The following PPP1R12B variants were observed in gnomAD, a reference collection of about 807,000 sequenced individuals.
PPP1R12B encodes myosin phosphatase target subunit 2.
Under a neutral mutation model 126.1 loss-of-function variants are expected in PPP1R12B, and 76 were observed. That is an observed-to-expected ratio of 0.60 (90% CI 0.50 to 0.73). PPP1R12B has a LOEUF of 0.73. PPP1R12B is among the 30% of genes least tolerant of loss of function. The pLI is 0.00. For synonymous variants in PPP1R12B, 356 were observed against 434.7 expected, an observed-to-expected ratio of 0.82 and a Z score of 2.25; for missense variants, 1,052 against 1,205.1, an observed-to-expected ratio of 0.87 and a Z score of 1.88.
At chr1:202,457,971 T>A (rs1321511786) in intron 13 of PPP1R12B, among the ~76,000 whole-genome samples, 1 of 151,852 alleles carries the variant, frequency 6.6e-6, no homozygotes, top group Non-Finnish European at 1.5e-5. Context: ...TGTGGCTAAA[T>A]GAATTTGGGA....
In PPP1R12B at chr1:202,589,568, C is replaced by CTGGT. The variant is rs1212735571; in HGVS notation, c.*9011_*9014dup. 2 of 152,256 alleles carry CTGGT rather than the reference C, an allele frequency of 1.3e-5. No homozygotes were observed. The highest frequency in any genetic ancestry group is 3.9e-4 in the East Asian group (2 of 5,190). The allele number at this position is 152,256 out of a possible 1,614,324, so 9.4% of individuals were successfully genotyped here. On this transcript the variant is annotated 3_prime_UTR_variant, in exon 24 of 24. Coordinates refer to ENST00000608999, the MANE Select transcript of PPP1R12B (RefSeq NM_002481.4). ...ATGTCATTTCTCTTTCTGACCCCCA[C>CTGGT]TGGTTGTAGTAAGGTCTGCAGATAC...
At chr1:202,402,518 C>G (rs1358782239) in intron 1 of PPP1R12B, among the ~76,000 whole-genome samples, 1 of 152,190 alleles carries the variant, frequency 6.6e-6, no homozygotes, top group Non-Finnish European at 1.5e-5. Flanking sequence ...GTCTTAATCT[C>G]TAGTGTGTGT....
chr1:202,372,987 T>C (rs1474509911), intron 1 of PPP1R12B, among the ~76,000 whole-genome samples: 4 of 151,872 alleles, frequency 2.6e-5, no homozygotes, highest in Non-Finnish European at 5.9e-5. Flanking sequence ...CAGGCTGGAG[T>C]ACACTGGCAC....
chr1:202,467,307 T>G (rs1383138782), intron 13 of PPP1R12B, among the ~76,000 whole-genome samples: 1 of 151,948 alleles, frequency 6.6e-6, no homozygotes, highest in Non-Finnish European at 1.5e-5. Flanking sequence ...ATGTGCCATG[T>G]TGGTGTGCTG....
chr1:202,476,516 C>G (rs1267001585), intron 13 of PPP1R12B, among the ~76,000 whole-genome samples: 1 of 151,654 alleles, frequency 6.6e-6, no homozygotes, highest in African/African-American at 2.4e-5. Flanking sequence ...AAACACCGCT[C>G]TACTAAAAAT....
intron 3 of PPP1R12B, 119 bp downstream of exon 3, chr1:202,422,857 T>C: frequency 7.1e-7 from 1 of 1,417,574 alleles, no homozygotes; most frequent in Non-Finnish European, 9.5e-7. Context: ...ATTTGATCTG[T>C]CTGCACTGCA....
At chr1:202,426,980 A>G (rs1669609574) in intron 4 of PPP1R12B, 60 bp from the exon 5 acceptor site, 1 of 1,572,036 alleles carries the variant, frequency 6.4e-7, no homozygotes, top group South Asian at 1.2e-5. Context: ...GTAATAGTGT[A>G]TTTGCCAGAA....
At chr1:202,417,858 C>T (rs1254086387) in intron 2 of PPP1R12B, among the ~76,000 whole-genome samples, 1 of 152,160 alleles carries the variant, frequency 6.6e-6, no homozygotes, top group African/African-American at 2.4e-5. Context: ...AATGACTTCC[C>T]ACAGAATCTG....
chr1:202,578,682 G>C (rs975899818), intron 23 of PPP1R12B, among the ~76,000 whole-genome samples: 1 of 152,208 alleles, frequency 6.6e-6, no homozygotes. Context: ...GGAACACTCA[G>C]TATCGCAAAG....
At chr1:202,360,192 T>G (rs1278525279) in intron 1 of PPP1R12B, among the ~76,000 whole-genome samples, 3 of 152,158 alleles carry the variant, frequency 2.0e-5, no homozygotes, top group Non-Finnish European at 4.4e-5. Flanking sequence ...TTGGTAAGAG[T>G]ACATCATAAG....
chr1:202,562,282 C>T (rs1687607285), intron 19 of PPP1R12B, among the ~76,000 whole-genome samples: 1 of 152,178 alleles, frequency 6.6e-6, no homozygotes, highest in Non-Finnish European at 1.5e-5. Flanking sequence ...GGGATTCCAG[C>T]AAACCTGTAG....
At chr1:202,403,122 A>G (rs1221648757) in intron 1 of PPP1R12B, among the ~76,000 whole-genome samples, 2 of 152,216 alleles carry the variant, frequency 1.3e-5, no homozygotes, top group Non-Finnish European at 2.9e-5. Context: ...AATACAAATT[A>G]ATAAAGAAGG....
intron 21 of PPP1R12B, 63 bp from the exon 22 acceptor site, chr1:202,567,715 C>CT (rs1218799866): frequency 1.9e-6 from 3 of 1,545,224 alleles, no homozygotes; most frequent in Non-Finnish European, 1.8e-6. Flanking sequence ...CTGAACTAGA[C>CT]TGGGCGTTCT....
chr1:202,542,990 G>A (rs1052078932), intron 18 of PPP1R12B, among the ~76,000 whole-genome samples: 2 of 152,106 alleles, frequency 1.3e-5, no homozygotes, highest in African/African-American at 4.8e-5. Flanking sequence ...CCAGCATTTA[G>A]AAGTTTGATT....
At chr1:202,579,489 C>T (rs970285095) in intron 23 of PPP1R12B, among the ~76,000 whole-genome samples, 7 of 152,164 alleles carry the variant, frequency 4.6e-5, no homozygotes, top group Admixed American at 4.6e-4. Flanking sequence ...CCAGTGGGAC[C>T]CACACATAAA....
At chr1:202,524,301 C>G (rs1683089952) in intron 18 of PPP1R12B, among the ~76,000 whole-genome samples, 1 of 152,132 alleles carries the variant, frequency 6.6e-6, no homozygotes, top group Admixed American at 6.5e-5. Flanking sequence ...GAGTTGCCAT[C>G]AACTGACATG....
At chr1:202,547,512 G>A (rs778443974) in intron 18 of PPP1R12B, among the ~76,000 whole-genome samples, 1 of 152,082 alleles carries the variant, frequency 6.6e-6, no homozygotes, top group African/African-American at 2.4e-5. Context: ...CTCTTCATAG[G>A]TCATTATGAA....
In PPP1R12B at chr1:202,493,384, T is replaced by A. The variant is rs1045274494; in HGVS notation, c.2145+67T>A. The A allele has an allele frequency of 7.5e-6, 11 of 1,469,304 alleles. No homozygotes were observed. The Admixed American group carries it at 2.3e-4, about 30-fold the overall frequency. The allele number at this position is 1,469,304 out of a possible 1,614,324, so 91.0% of individuals were successfully genotyped here. Reference sequence around the variant, plus strand: ...GTAATTAGTTTGGGGAGTATCTTCTTCACTGGTAGTTCAAAGGCTGTGTTC... The same window carrying A: ...GTAATTAGTTTGGGGAGTATCTTCTACACTGGTAGTTCAAAGGCTGTGTTC... On this transcript the variant is annotated intron_variant, in intron 15 of 23. Transcript: ENST00000608999.
chr1:202,410,146 T>TATG (rs1418919676), intron 1 of PPP1R12B: 1 of 152,240 alleles, frequency 6.6e-6, no homozygotes, highest in Admixed American at 6.5e-5. Context: ...TTGTCATCCT[T>TATG]ATGTAGGGGC....
Sources: allele counts gnomAD v4.1 joint callset (sites outside exome capture counted in the v4.1 genomes callset), GRCh38; gene constraint gnomAD v4.1.1; transcripts MANE v1.5; gene names NCBI Gene and HGNC (gene_info 2026-07-23, HGNC 2026-07-21).